CNTNAP5: variants seen among roughly 807,000 people sequenced by gnomAD.
CNTNAP5 encodes the protein contactin-associated protein-like 5.
A neutral mutation model predicts 150.2 loss-of-function variants in CNTNAP5; 72 were observed. That is an observed-to-expected ratio of 0.48 (90% confidence interval 0.40 to 0.58). The LOEUF is 0.58. CNTNAP5 is among the 20% of genes least tolerant of loss of function. The probability of loss-of-function intolerance (pLI) is 0.00; values close to 1 mark genes in which losing one functional copy is unlikely to be tolerated. For synonymous variants in CNTNAP5, 672 were observed against 619.8 expected (o/e 1.08, Z -1.25); for missense variants, 1,636 against 1,626.2 (o/e 1.01, Z -0.10).
At chr2:124,290,622 G>C (rs1436276405) in intron 3 of CNTNAP5, among the ~76,000 whole-genome samples, 1 of 152,114 alleles carries the variant, frequency 6.6e-6, no homozygotes, top group Non-Finnish European at 1.5e-5. Flanking sequence ...TAGTTCTGCT[G>C]TCATCCACAG....
chr2:124,392,690 A>C (rs1261931607), intron 3 of CNTNAP5, among the ~76,000 whole-genome samples: 1 of 89,100 alleles, frequency 1.1e-5, no homozygotes, highest in African/African-American at 5.2e-5. Context: ...TCTTTGCCAA[A>C]AAAAAAAAAA....
chr2:124,789,858 C>G (rs1322619248), intron 17 of CNTNAP5, 44 bp from the exon 18 acceptor site: 2 of 1,579,168 alleles, frequency 1.3e-6, no homozygotes, highest in South Asian at 2.3e-5. Context: ...ATGTATTGAG[C>G]CCTATAATAC....
intron 1 of CNTNAP5, among the ~76,000 whole-genome samples, chr2:124,076,150 G>A (rs1573736306): frequency 2.0e-5 from 3 of 152,182 alleles, no homozygotes; most frequent in Admixed American, 1.3e-4. Context: ...AGATATTATA[G>A]CTTAACTTCA....
At chr2:124,773,135 C>A in intron 17 of CNTNAP5, 118 bp downstream of exon 17, 1 of 761,138 alleles carries the variant, frequency 1.3e-6, no homozygotes, top group East Asian at 2.5e-5. Flanking sequence ...TGTCATAAAT[C>A]ATTTCTAATG....
intron 22 of CNTNAP5, among the ~76,000 whole-genome samples, chr2:124,907,708 C>A (rs968697737): frequency 6.6e-6 from 1 of 150,512 alleles, no homozygotes; most frequent in South Asian, 2.1e-4. Flanking sequence ...TTGTTAAAGA[C>A]AATTTAGACA....
intron 1 of CNTNAP5, among the ~76,000 whole-genome samples, chr2:124,162,338 C>G (rs1684701037): frequency 1.3e-5 from 2 of 152,076 alleles, no homozygotes; most frequent in African/African-American, 4.8e-5. Flanking sequence ...TTCATTTAAA[C>G]TTGGTAAAAA....
intron 17 of CNTNAP5, among the ~76,000 whole-genome samples, chr2:124,785,643 C>T (rs1264595581): frequency 6.6e-6 from 1 of 152,088 alleles, no homozygotes; most frequent in Non-Finnish European, 1.5e-5. Context: ...GTTCGGAATG[C>T]TTGGTGCACT....
intron 13 of CNTNAP5, among the ~76,000 whole-genome samples, chr2:124,682,295 A>G (rs1679087134): frequency 1.3e-5 from 2 of 152,176 alleles, no homozygotes; most frequent in East Asian, 1.9e-4. Flanking sequence ...TATGCAGCTG[A>G]GAGGTCATCA....
At chr2:124,318,999 A>G (rs1304407876) in intron 3 of CNTNAP5, among the ~76,000 whole-genome samples, 8 of 152,086 alleles carry the variant, frequency 5.3e-5, no homozygotes, top group Non-Finnish European at 2.9e-5. Flanking sequence ...ACCTCCTGGG[A>G]TAGTTTTTAG....
chr2:124,334,588 T>G (rs1055573623), intron 3 of CNTNAP5, among the ~76,000 whole-genome samples: 2 of 152,056 alleles, frequency 1.3e-5, no homozygotes, highest in Non-Finnish European at 2.9e-5. Flanking sequence ...AATAAAACAG[T>G]TTTTTACTTT....
At chr2:124,449,254 C>T (rs1280591373) in intron 6 of CNTNAP5, among the ~76,000 whole-genome samples, 1 of 152,180 alleles carries the variant, frequency 6.6e-6, no homozygotes, top group East Asian at 1.9e-4. Context: ...ATATCAATTG[C>T]TCTCCTTTGT....
At chr2:124,104,469 C>T (rs1683131087) in intron 1 of CNTNAP5, among the ~76,000 whole-genome samples, 1 of 152,108 alleles carries the variant, frequency 6.6e-6, no homozygotes, top group African/African-American at 2.4e-5. Flanking sequence ...ATACTGAATG[C>T]CCTCCCTTAA....
chr2:124,899,337 A>T (rs1558818585), intron 21 of CNTNAP5, among the ~76,000 whole-genome samples: 1 of 151,508 alleles, frequency 6.6e-6, no homozygotes, highest in African/African-American at 2.4e-5. Context: ...CAAGTTCATG[A>T]TTCATCAACT....
intron 13 of CNTNAP5, among the ~76,000 whole-genome samples, chr2:124,727,292 T>C (rs1176797357): frequency 6.6e-6 from 1 of 152,068 alleles, no homozygotes; most frequent in African/African-American, 2.4e-5. Context: ...TTGTTGAGGA[T>C]TGATTTGACT....
chr2:124,381,679 T>C (rs1395787853), intron 3 of CNTNAP5, among the ~76,000 whole-genome samples: 4 of 152,082 alleles, frequency 2.6e-5, no homozygotes, highest in African/African-American at 7.2e-5. Flanking sequence ...CTACAAAGTT[T>C]GAGTCACCTA....
chr2:124,759,938 CTTTTTTTTTTTTTT>C (rs571408475), intron 14 of CNTNAP5, among the ~76,000 whole-genome samples: 1,017 of 83,666 alleles, frequency 0.012, 17 homozygotes, highest in Non-Finnish European at 0.018. Context: ...ACTCCTCGGT[CTTTTTTTTTTTTTT>C]TTTTTTTTTT....
chr2:124,693,373 T>C (rs1026158688), intron 13 of CNTNAP5, among the ~76,000 whole-genome samples: 5 of 152,268 alleles, frequency 3.3e-5, no homozygotes, highest in Middle Eastern at 3.4e-3. Flanking sequence ...TAATCACCAT[T>C]TGTTTGGGAA....
chr2:124,860,337 G>A (rs1051468605), intron 19 of CNTNAP5, among the ~76,000 whole-genome samples: 37 of 151,500 alleles, frequency 2.4e-4, no homozygotes, highest in Middle Eastern at 3.5e-3. Context: ...GCGACAGAGC[G>A]AGATTCTGTC....
chr2:124,506,341 A>C (rs528613956), intron 8 of CNTNAP5, among the ~76,000 whole-genome samples: 18 of 152,290 alleles, frequency 1.2e-4, no homozygotes, highest in African/African-American at 4.1e-4. Flanking sequence ...GTCAGGAAAA[A>C]AAAATGACTT....
Sources: gnomAD v4.1 joint callset for allele counts (sites outside exome capture counted in the v4.1 genomes callset) on GRCh38, gnomAD v4.1.1 for gene constraint, MANE v1.5 for transcripts, NCBI Gene and HGNC (gene_info 2026-07-23, HGNC 2026-07-21) for gene names.